APOBR: variants seen among roughly 807,000 people sequenced by gnomAD.
APOBR encodes apoB-48R.
APOBR carries 57 observed loss-of-function variants against 88.5 expected under a neutral mutation model. That is an observed-to-expected ratio of 0.64 (90% CI 0.52 to 0.80). APOBR has a LOEUF of 0.80. Among genes scored for constraint, APOBR ranks in the 30% least tolerant of loss-of-function variants. The pLI is 0.00. For missense variants in APOBR, 1,443 were observed against 1,401.6 expected, an observed-to-expected ratio of 1.03 and a Z score of -0.47; for synonymous variants, 588 against 572.7, an observed-to-expected ratio of 1.03 and a Z score of -0.38.
rs557545619 is a variant in APOBR, at chr16:28,495,887, G to A, written c.846G>A (p.Glu282=). 1.9e-6 allele frequency: 3 copies of A among 1,611,736 alleles called. No individual in the cohort carries two copies. The highest frequency in any genetic ancestry group is 2.2e-5 in the East Asian group (1 of 44,818). Residue 282 remains glutamate (E), a synonymous_variant, in exon 2 of 4, where the codon GAG becomes GAA. Transcript: ENST00000564831. The stretch of plus-strand genomic sequence containing the variant: ...ACTGGGGAATCTTAGGCAGAGAGGA[G>A]GCCAGGACAACCCCAGGTAGGGAAG... ...PEDWGILGRE[E]ARTTPGREEA...
Position 28,496,403 on chromosome 16 carries a change from G to C in APOBR, c.1362G>C (p.Glu454Asp). 1 of 1,611,520 alleles carries C rather than the reference G, an allele frequency of 6.2e-7. No homozygotes were observed. Among genetic ancestry groups the C allele is most frequent in the South Asian group, 1.1e-5 (1 of 90,752 alleles). ...GGAGGGAAGCTGTGGGAGGCCAGGA[G>C]GCAGGGGAGAGCTTTGAGGGCCAGG... ...TAGREAVGGQ[E>D]AGESFEGQVD... The change falls in exon 2 of 4, where the codon GAG becomes GAC. Residue 454 changes from glutamate (E) to aspartate (D), a missense_variant. Transcript: ENST00000564831.
rs1386792718 is a variant in APOBR, at chr16:28,495,740, A to C, written c.699A>C (p.Ala233=). The C allele has an allele frequency of 2.6e-6, 4 of 1,538,506 alleles. No homozygotes were observed. The Admixed American group carries it at 8.3e-5, about 32-fold the overall frequency. ...AGCAGGGGGTCAGGGAGGCAGATGCAGGGGAAACTGAGGAGCCTGGGGCCG... is the reference window on the plus strand; with the variant it reads ...AGCAGGGGGTCAGGGAGGCAGATGCCGGGGAAACTGAGGAGCCTGGGGCCG... ...EMEQGVREAD[A]GETEEPGAEG... is the part of the protein sequence containing the mutation. Residue 233 remains alanine (A), a synonymous_variant, in exon 2 of 4, where the codon GCA becomes GCC. Coordinates refer to ENST00000564831, the MANE Select transcript of APOBR (RefSeq NM_018690.4).
In APOBR at chr16:28,496,855, G is replaced by C. The variant is rs759982888; in HGVS notation, c.1814G>C (p.Gly605Ala). The change falls in exon 2 of 4, where the codon GGT becomes GCT. Residue 605 changes from glycine to alanine, a missense_variant. Coordinates refer to ENST00000564831, the MANE Select transcript of APOBR (RefSeq NM_018690.4). Reference protein sequence around the residue: ...KEEQERSLEAGPRHAGSVKPE... With the variant: ...KEEQERSLEAAPRHAGSVKPE... ...GAGCAGGAGAGGAGCCTGGAGGCAG[G>C]TCCCAGGCACGCGGGGTCTGTAAAG... The C allele has an allele frequency of 2.6e-6, 4 of 1,559,394 alleles. No homozygotes were observed. In the East Asian group the frequency reaches 9.6e-5, roughly 37 times the overall value.
At position 28,496,667 on chromosome 16, in the gene APOBR, T is replaced by C. The variant is rs2141732402; in HGVS notation, c.1626T>C (p.Thr542=). ...GGGAGGAGAGTGAGGCGGCCCAGACTAGCTGTGGCCTACTGGGCGTGGAAT... is the reference window on the plus strand; with the variant it reads ...GGGAGGAGAGTGAGGCGGCCCAGACCAGCTGTGGCCTACTGGGCGTGGAAT... ...LTGEESEAAQ[T]SCGLLGVEWG... The change falls in exon 2 of 4, where the codon ACT becomes ACC. Residue 542 remains threonine (T), a synonymous_variant. Transcript: ENST00000564831. 6.2e-7 allele frequency: 1 copy of C among 1,605,906 alleles called. No individual in the cohort carries two copies. The highest frequency in any genetic ancestry group is 8.5e-7 in the Non-Finnish European group (1 of 1,175,846).
Position 28,496,680 on chromosome 16 carries a change from C to T in APOBR, c.1639C>T (p.Leu547=). 6.2e-7 allele frequency: 1 copy of T among 1,606,054 alleles called. No individual in the cohort carries two copies. The highest frequency in any genetic ancestry group is 1.1e-5 in the South Asian group (1 of 89,644). Residue 547 remains leucine, a synonymous_variant, in exon 2 of 4, where the codon CTG becomes TTG. Transcript: ENST00000564831. Reference sequence around the variant, plus strand: ...GGCGGCCCAGACTAGCTGTGGCCTACTGGGCGTGGAATGGGGTGGCCTCAC... The same window carrying T: ...GGCGGCCCAGACTAGCTGTGGCCTATTGGGCGTGGAATGGGGTGGCCTCAC... ...SEAAQTSCGL[L]GVEWGGLTHS...
rs373360373 is a variant in APOBR at position 28,495,950 on chromosome 16, A to C, written c.909A>C (p.Thr303=). Residue 303 remains threonine (T), a synonymous_variant, in exon 2 of 4, where the codon ACA becomes ACC. Transcript: ENST00000564831. ...TTTTAGATGGGGAGGAAGCCAGGAC[A>C]ATCTCAGGCGGGGAGGAGGCTGAGA... ...RAILDGEEAR[T]ISGGEEAETA... is the part of the protein sequence containing the mutation. The C allele has an allele frequency of 4.3e-6, 7 of 1,613,170 alleles. No homozygotes were observed. The African/African-American group carries it at 9.4e-5, about 22-fold the overall frequency.
rs1353505676 is a variant in APOBR at position 28,497,392 on chromosome 16, G to A, written c.2351G>A (p.Gly784Glu). The A allele has an allele frequency of 1.9e-6, 3 of 1,612,826 alleles. No individual in the cohort carries two copies. The highest frequency in any genetic ancestry group is 1.7e-6 in the Non-Finnish European group (2 of 1,179,410). ...GCTGGCGCTGGTGAAGCTTTGGAAGGGGTGCTTGGGCAAGGCTGGGACTCG... is the reference window on the plus strand; with the variant it reads ...GCTGGCGCTGGTGAAGCTTTGGAAGAGGTGCTTGGGCAAGGCTGGGACTCG... The part of the protein sequence containing the change: ...SAAGAGEALE[G>E]VLGQGWDSKE... The change falls in exon 2 of 4, where the codon GGG becomes GAG. Residue 784 changes from glycine (G) to glutamate (E), a missense_variant. Physicochemically the swap from Gly to Glu is moderately conservative, Grantham distance 98. Coordinates refer to ENST00000564831, the MANE Select transcript of APOBR (RefSeq NM_018690.4).
rs1312540211 is a variant in APOBR, at chr16:28,496,814, G to C, written c.1773G>C (p.Leu591=). Residue 591 remains leucine (L), a synonymous_variant, in exon 2 of 4, where the codon CTG becomes CTC. Transcript: ENST00000564831. ...EAGEVELMGV[L]ALSKEEQERS... ...GGGAGGTGGAGCTCATGGGAGTTCT[G>C]GCCCTGAGCAAAGAGGAGCAGGAGA... The C allele has an allele frequency of 4.5e-6, 7 of 1,563,226 alleles. No homozygotes were observed. The highest frequency in any genetic ancestry group is 6.1e-6 in the Non-Finnish European group (7 of 1,153,766).
Position 28,498,561 on chromosome 16 carries a change from C to A in APOBR, c.*56C>A. On this transcript the variant is annotated 3_prime_UTR_variant, in exon 4 of 4. Transcript: ENST00000564831. ...TGAGTGGGTGCCAGAAGGCTTGCTC[C>A]AATGCCACTGAGCCCTGCTCCCTCT... 1 of 1,534,354 alleles carries A rather than the reference C, an allele frequency of 6.5e-7. No homozygotes were observed. The highest frequency in any genetic ancestry group is 1.4e-5 in the African/African-American group (1 of 73,026).
rs773280637 is a variant in APOBR at position 28,496,696 on chromosome 16, G to T, written c.1655G>T (p.Gly552Val). ...TSCGLLGVEW[G>V]GLTHSVTKGQ... is the part of the protein sequence containing the mutation. Reference sequence around the variant, plus strand: ...TGTGGCCTACTGGGCGTGGAATGGGGTGGCCTCACACACAGCGTCACCAAA... The same window carrying T: ...TGTGGCCTACTGGGCGTGGAATGGGTTGGCCTCACACACAGCGTCACCAAA... Residue 552 changes from glycine (G) to valine (V), a missense_variant, in exon 2 of 4, where the codon GGT (glycine) becomes GTT (valine). Transcript: ENST00000564831. 1 of 1,604,388 alleles carries T rather than the reference G, an allele frequency of 6.2e-7. No homozygotes were observed. The highest frequency in any genetic ancestry group is 1.1e-5 in the South Asian group (1 of 89,300).
chr16:28,498,092 C>T lies in APOBR; in HGVS notation c.2967C>T (p.Pro989=), dbSNP rs750701844. The part of the protein sequence containing the change: ...AANSWSEAPL[P]GSLLDVSVPR... ...CCCCTTTCCTGCAGGCCCCGCTCCCCGGGTCCCTCCTAGACGTCTCTGTCC... is the reference window on the plus strand; with the variant it reads ...CCCCTTTCCTGCAGGCCCCGCTCCCTGGGTCCCTCCTAGACGTCTCTGTCC... Residue 989 remains proline, a synonymous_variant, in exon 3 of 4, where the codon CCC becomes CCT. Coordinates refer to ENST00000564831, the MANE Select transcript of APOBR (RefSeq NM_018690.4). The T allele has an allele frequency of 3.9e-6, 6 of 1,553,098 alleles. No homozygotes were observed. The highest frequency in any genetic ancestry group is 3.8e-5 in the Admixed American group (2 of 52,314).
rs770166585 is a variant in APOBR at position 28,497,124 on chromosome 16, G to T, written c.2083G>T (p.Ala695Ser). Residue 695 changes from alanine to serine, a missense_variant, in exon 2 of 4, where the codon GCA becomes TCA. Coordinates refer to ENST00000564831, the MANE Select transcript of APOBR (RefSeq NM_018690.4). The stretch of plus-strand genomic sequence containing the variant: ...GGGATGTGGAACTGAGGAGGGAGAG[G>T]CATCTGTCTCAGAGAACCAGGAGCT... The part of the protein sequence containing the change: ...DAGCGTEEGE[A>S]SVSENQELDG... The T allele has an allele frequency of 1.4e-5, 22 of 1,605,794 alleles. No individual in the cohort carries two copies. The Admixed American group carries it at 3.8e-4, about 27-fold the overall frequency.
In APOBR at chr16:28,496,081, C is replaced by G. The variant is rs62034314; in HGVS notation, c.1040C>G (p.Thr347Arg). 2 of 761,166 alleles carry G rather than the reference C, an allele frequency of 2.6e-6. No homozygotes were observed. Among genetic ancestry groups the G allele is most frequent in the Admixed American group, 3.8e-5 (1 of 26,256 alleles). The allele number at this position is 761,166 out of a possible 1,614,324, so 47.2% of individuals were successfully genotyped here. ...AGIASGGEAG[T>R]ASGGEEAGTA... ...ATAGCCTCAGGCGGGGAGGCTGGGA[C>G]AGCCTCAGGAGGGGAGGAGGCCGGG... The change falls in exon 2 of 4, where the codon ACA becomes AGA. Residue 347 changes from threonine (T) to arginine (R), a missense_variant. Coordinates refer to ENST00000564831, the MANE Select transcript of APOBR (RefSeq NM_018690.4).
rs1567268393 is a variant in APOBR, at chr16:28,496,728, G to A, written c.1687G>A (p.Gly563Arg). 5.0e-6 allele frequency: 8 copies of A among 1,595,666 alleles called. No homozygotes were observed. The highest frequency in any genetic ancestry group is 6.8e-6 in the Non-Finnish European group (8 of 1,171,558). ...GLTHSVTKGQ[G>R]PELMGGAQTP... Reference sequence around the variant, plus strand: ...CACACACAGCGTCACCAAAGGCCAAGGACCTGAGCTGATGGGGGGCGCCCA... The same window carrying A: ...CACACACAGCGTCACCAAAGGCCAAAGACCTGAGCTGATGGGGGGCGCCCA... Residue 563 changes from glycine to arginine, a missense_variant, in exon 2 of 4, where the codon GGA (glycine) becomes AGA (arginine). Gly to Arg is a moderately radical substitution (Grantham distance 125). Coordinates refer to ENST00000564831, the MANE Select transcript of APOBR (RefSeq NM_018690.4).
At position 28,496,067 on chromosome 16, in the gene APOBR, CGGGGAGGCTGGGACAGCCTCAGGA is replaced by C. The variant is rs773283996; in HGVS notation, c.1034_1057del (p.Ala345_Glu352del). 2.1e-6 allele frequency: 3 copies of C among 1,461,286 alleles called. No homozygotes were observed. The highest frequency in any genetic ancestry group is 1.7e-5 in the African/African-American group (1 of 59,582). 90.5% of individuals were successfully genotyped at this position (1,461,286 alleles called of 1,614,324 possible). ...GGGAGGAGGCCGGGATAGCCTCAGGCGGGGAGGCTGGGACAGCCTCAGGAGGGGAGGAGGCCGGGACAGCCTCAG... is the reference window on the plus strand; with the variant it reads ...GGGAGGAGGCCGGGATAGCCTCAGGCGGGGAGGAGGCCGGGACAGCCTCAG... On this transcript the variant is annotated inframe_deletion, in exon 2 of 4. Transcript: ENST00000564831.
Position 28,496,865 on chromosome 16 carries a change from C to G in APOBR, c.1824C>G (p.His608Gln), listed in dbSNP as rs543201059. ...QERSLEAGPR[H>Q]AGSVKPEASE... Reference sequence around the variant, plus strand: ...GGAGCCTGGAGGCAGGTCCCAGGCACGCGGGGTCTGTAAAGCCTGAGGCCT... The same window carrying G: ...GGAGCCTGGAGGCAGGTCCCAGGCAGGCGGGGTCTGTAAAGCCTGAGGCCT... Residue 608 changes from histidine (H) to glutamine (Q), a missense_variant, in exon 2 of 4, where the codon CAC becomes CAG. By Grantham distance (24) the His-to-Gln change is conservative (BLOSUM62 0). Coordinates refer to ENST00000564831, the MANE Select transcript of APOBR (RefSeq NM_018690.4). The G allele has an allele frequency of 2.6e-6, 4 of 1,559,052 alleles. No individual in the cohort carries two copies. The highest frequency in any genetic ancestry group is 2.7e-5 in the African/African-American group (2 of 73,390).
chr16:28,497,397 C>G lies in APOBR; in HGVS notation c.2356C>G (p.Leu786Val). The G allele has an allele frequency of 1.2e-6, 2 of 1,613,014 alleles. No individual in the cohort carries two copies. The highest frequency in any genetic ancestry group is 1.7e-6 in the Non-Finnish European group (2 of 1,179,516). The change falls in exon 2 of 4, where the codon CTT (leucine) becomes GTT (valine). Residue 786 changes from leucine (L) to valine (V), a missense_variant. Transcript: ENST00000564831. ...AGAGEALEGVLGQGWDSKEKE... is the reference protein window; with the variant it reads ...AGAGEALEGVVGQGWDSKEKE... ...CGCTGGTGAAGCTTTGGAAGGGGTG[C>G]TTGGGCAAGGCTGGGACTCGAAAGA...
In APOBR at chr16:28,497,183, C is replaced by A. The variant is rs990554362; in HGVS notation, c.2142C>A (p.Cys714Ter). The A allele has an allele frequency of 6.2e-7, 1 of 1,600,014 alleles. No homozygotes were observed. Among genetic ancestry groups the A allele is most frequent in the Non-Finnish European group, 8.5e-7 (1 of 1,173,870 alleles). The change falls in exon 2 of 4, where the codon TGC becomes TGA. Residue 714 changes from cysteine (C) to a stop codon, truncating the protein, a stop_gained. Transcript: ENST00000564831. LOFTEE classifies it high-confidence loss of function. ...GCACAGGGGCAGACGCAGGGCCTTG[C>A]CCGTCACTGGGAGAGGCCTATGCCA... Reference protein sequence around the residue: ...DGSTGADAGPCPSLGEAYARE... With the variant: ...DGSTGADAGP
In APOBR at chr16:28,495,629, G is replaced by A. The variant is rs373181839; in HGVS notation, c.588G>A (p.Ala196=). Residue 196 remains alanine, a synonymous_variant, in exon 2 of 4, where the codon GCG becomes GCA. Coordinates refer to ENST00000564831, the MANE Select transcript of APOBR (RefSeq NM_018690.4). ...RAREPGMARG[A]ESEWTWHGET... Reference sequence around the variant, plus strand: ...GAGAGCCAGGGATGGCCAGAGGGGCGGAGTCAGAGTGGACCTGGCATGGGG... The same window carrying A: ...GAGAGCCAGGGATGGCCAGAGGGGCAGAGTCAGAGTGGACCTGGCATGGGG... The A allele has an allele frequency of 1.6e-5, 25 of 1,556,786 alleles. No individual in the cohort carries two copies. The highest frequency in any genetic ancestry group is 2.2e-5 in the Non-Finnish European group (25 of 1,150,016).
Sources: gnomAD v4.1 joint callset for allele counts on GRCh38, gnomAD v4.1.1 for gene constraint, MANE v1.5 for transcripts, NCBI Gene and HGNC (gene_info 2026-07-23, HGNC 2026-07-21) for gene names.